ARHGAP35: variants seen among roughly 807,000 people sequenced by gnomAD.
ARHGAP35 encodes rho GTPase-activating protein 35.
A neutral mutation model predicts 111.1 loss-of-function variants in ARHGAP35; 15 were observed. The ratio of observed to expected loss-of-function variants is 0.13; its 90% CI spans 0.09 to 0.21. ARHGAP35 has a LOEUF of 0.21. Ranked by LOEUF, ARHGAP35 falls within the 10% of genes least tolerant of loss-of-function variation. The probability of loss-of-function intolerance (pLI) is 1.00; values close to 1 mark genes in which losing one functional copy is unlikely to be tolerated. For missense variants in ARHGAP35, 1,262 were observed against 1,873.0 expected (o/e 0.67, Z 6.02); for synonymous variants, 643 against 710.3 (o/e 0.91, Z 1.51).
chr19:46,953,909 A>C (rs1336403991), intron 3 of ARHGAP35, among the ~76,000 whole-genome samples: 1 of 152,118 alleles, frequency 6.6e-6, no homozygotes, highest in Middle Eastern at 3.2e-3. Context: ...CCTGCTGCCT[A>C]ATATGTTGTT....
chr19:47,000,741 C>T lies in ARHGAP35; in HGVS notation c.*53C>T. ...ACCGGTCCTCTCTCTGACGGGGTGG[C>T]ATTTGGCCTTGAACAAAACCAAGTC... is the stretch of plus-strand genomic sequence containing the variant. On this transcript the variant is annotated 3_prime_UTR_variant, in exon 7 of 7. Transcript: ENST00000672722. This position sits in a 1 kb window ranked among gnomAD's most constrained non-coding sequence, Gnocchi z 6.9. 6.6e-7 allele frequency: 1 copy of T among 1,525,354 alleles called. No homozygotes were observed. The highest frequency in any genetic ancestry group is 2.4e-5 in the East Asian group (1 of 40,862). The allele number at this position is 1,525,354 out of a possible 1,614,324, so 94.5% of individuals were successfully genotyped here.
chr19:46,989,490 AT>A lies in ARHGAP35; in HGVS notation c.3905-53del. The A allele has an allele frequency of 6.2e-7, 1 of 1,608,496 alleles. No homozygotes were observed. Among genetic ancestry groups the A allele is most frequent in the Non-Finnish European group, 8.5e-7 (1 of 1,176,524 alleles). On this transcript the variant is annotated intron_variant, in intron 4 of 6. Transcript: ENST00000672722. The surrounding 1 kb of genome is among the most constrained non-coding windows in gnomAD (Gnocchi z 5.3). The stretch of plus-strand genomic sequence containing the variant: ...CTCTCCTGAGCCCCGAGTTGTCCTG[AT>A]GCTTCTGCCTGGCTTAGAATGGTTT...
intron 3 of ARHGAP35, among the ~76,000 whole-genome samples, chr19:46,951,568 C>A (rs1343853629): frequency 2.0e-5 from 3 of 152,106 alleles, no homozygotes; most frequent in Non-Finnish European, 4.4e-5. Context: ...TTGTTAGTTT[C>A]CTTGACCATA....
intron 5 of ARHGAP35, among the ~76,000 whole-genome samples, chr19:46,996,089 G>T (rs2056705993): frequency 6.6e-6 from 1 of 152,104 alleles, no homozygotes; most frequent in African/African-American, 2.4e-5. Flanking sequence ...GGGATTCTAG[G>T]GGGCAGCCCC....
intron 3 of ARHGAP35, among the ~76,000 whole-genome samples, chr19:46,964,960 T>C (rs1410911929): frequency 6.6e-6 from 1 of 152,260 alleles, no homozygotes; most frequent in Non-Finnish European, 1.5e-5. Flanking sequence ...TACTACCTTT[T>C]GATAGCCTTC....
chr19:46,939,654 C>A (rs2056333468), intron 3 of ARHGAP35, among the ~76,000 whole-genome samples: 1 of 151,966 alleles, frequency 6.6e-6, no homozygotes, highest in Admixed American at 6.6e-5. Flanking sequence ...CTCAAGCAAT[C>A]CACCCGCCTT....
intron 1 of ARHGAP35, among the ~76,000 whole-genome samples, chr19:46,868,647 C>G (rs403516): frequency 3.3e-5 from 5 of 152,110 alleles, no homozygotes; most frequent in South Asian, 2.1e-4. Context: ...GTAAACTAGT[C>G]TAACAGGAAG....
intron 1 of ARHGAP35, among the ~76,000 whole-genome samples, chr19:46,914,223 C>T (rs747656768): frequency 2.0e-5 from 3 of 152,082 alleles, no homozygotes; most frequent in Non-Finnish European, 2.9e-5. Context: ...TGGAAAGTTA[C>T]CAGGTGTCCC....
At chr19:46,964,978 T>C (rs1248910328) in intron 3 of ARHGAP35, among the ~76,000 whole-genome samples, 2 of 152,246 alleles carry the variant, frequency 1.3e-5, no homozygotes, top group Non-Finnish European at 2.9e-5. Flanking sequence ...TTCCCCTATA[T>C]TTTGTGACAA....
At chr19:46,961,691 A>C (rs930033757) in intron 3 of ARHGAP35, among the ~76,000 whole-genome samples, 3 of 152,192 alleles carry the variant, frequency 2.0e-5, no homozygotes, top group Non-Finnish European at 2.9e-5. Flanking sequence ...GAACTTTAGG[A>C]GGCCGAGGCA....
At chr19:46,895,227 G>C (rs1011278826) in intron 1 of ARHGAP35, among the ~76,000 whole-genome samples, 2 of 150,604 alleles carry the variant, frequency 1.3e-5, no homozygotes, top group African/African-American at 4.9e-5. Flanking sequence ...CCAGTGGCGC[G>C]ATCTCGGCTC....
At chr19:46,950,503 T>A (rs1214805966) in intron 3 of ARHGAP35, among the ~76,000 whole-genome samples, 3 of 152,226 alleles carry the variant, frequency 2.0e-5, no homozygotes, top group Non-Finnish European at 4.4e-5. Flanking sequence ...TTAAATGATG[T>A]CTCCAAGCAC....
chr19:46,880,874 C>G (rs1038663491), intron 1 of ARHGAP35, among the ~76,000 whole-genome samples: 1 of 149,756 alleles, frequency 6.7e-6, no homozygotes, highest in Non-Finnish European at 1.5e-5. Context: ...TGGAGTCTTA[C>G]TACATTGCCT....
intron 3 of ARHGAP35, among the ~76,000 whole-genome samples, chr19:46,971,221 T>A (rs377110616): frequency 6.6e-6 from 1 of 151,924 alleles, no homozygotes; most frequent in African/African-American, 2.4e-5. Context: ...GCCTGGCCAA[T>A]ATGGTGAAAC....
At chr19:46,971,428 C>T (rs544677480) in intron 3 of ARHGAP35, among the ~76,000 whole-genome samples, 75 of 151,932 alleles carry the variant, frequency 4.9e-4, no homozygotes, top group African/African-American at 1.6e-3. Flanking sequence ...AAAAAATAGA[C>T]AAACTTCTGG....
intron 2 of ARHGAP35, among the ~76,000 whole-genome samples, chr19:46,923,556 C>A (rs1213754669): frequency 6.6e-6 from 1 of 150,638 alleles, no homozygotes; most frequent in Non-Finnish European, 1.5e-5. Context: ...TTTTTTTTTC[C>A]ATTTGGAGTA....
At chr19:46,934,484 C>T (rs2056292797) in intron 2 of ARHGAP35, among the ~76,000 whole-genome samples, 1 of 152,248 alleles carries the variant, frequency 6.6e-6, no homozygotes, top group South Asian at 2.1e-4. Flanking sequence ...TCTCCCACCT[C>T]AGCCTCCTGA....
intron 2 of ARHGAP35, among the ~76,000 whole-genome samples, chr19:46,929,004 A>G (rs2056255725): frequency 3.5e-3 from 1 of 286 alleles, no homozygotes; most frequent in African/African-American, 0.024. Flanking sequence ...TTTCTCCATT[A>G]TTTAAGATTA....
At chr19:46,937,999 T>C (rs2122226344) in intron 3 of ARHGAP35, among the ~76,000 whole-genome samples, 1 of 152,364 alleles carries the variant, frequency 6.6e-6, no homozygotes, top group Admixed American at 6.5e-5. Flanking sequence ...TTTTGCATTG[T>C]TCTTGAAATA....
Sources: gnomAD v4.1 joint callset for allele counts (sites outside exome capture counted in the v4.1 genomes callset) on GRCh38, gnomAD v4.1.1 for gene constraint, Gnocchi (gnomAD v3.1) non-coding constraint, MANE v1.5 for transcripts, NCBI Gene and HGNC (gene_info 2026-07-23, HGNC 2026-07-21) for gene names.